The following RNF125 variants were observed in gnomAD, a reference collection of about 807,000 sequenced individuals.
The protein encoded by RNF125 is ring finger protein 125.
RNF125 carries 21 observed loss-of-function variants against 26.0 expected under a neutral mutation model. That is an observed-to-expected ratio of 0.81 (90% CI 0.57 to 1.16). The LOEUF is 1.16. Ranked by LOEUF, RNF125 falls within the 50% of genes most tolerant of loss-of-function variation. The pLI, the probability that RNF125 is intolerant of heterozygous loss-of-function variation, is 0.00. For missense variants in RNF125, 270 were observed against 299.4 expected (o/e 0.90, Z 0.72); for synonymous variants, 95 against 109.2 (o/e 0.87, Z 0.81).
chr18:32,034,041 C>G (rs947558336), intron 1 of RNF125, among the ~76,000 whole-genome samples: 6 of 151,880 alleles, frequency 4.0e-5, no homozygotes, highest in African/African-American at 1.5e-4. Context: ...TCAAACTGTA[C>G]AGTCACCACA....
chr18:32,084,124 C>G, the RNF125 span, among the ~76,000 whole-genome samples: 12,462 of 152,062 alleles, frequency 0.082, 868 homozygotes, highest in East Asian at 0.25. Flanking sequence ...GGGAGGCCGA[C>G]GCAGGTGGAT....
At chr18:32,041,535 C>T (rs1330217593) in intron 2 of RNF125, among the ~76,000 whole-genome samples, 2 of 148,540 alleles carry the variant, frequency 1.3e-5, no homozygotes, top group African/African-American at 5.0e-5. Context: ...TTGCTTCCTT[C>T]TTTCTAAAAC....
At chr18:32,056,969 C>T (rs1033173652) in intron 4 of RNF125, among the ~76,000 whole-genome samples, 3 of 152,154 alleles carry the variant, frequency 2.0e-5, no homozygotes, top group Non-Finnish European at 4.4e-5. Flanking sequence ...TTTACACAGT[C>T]GTAGAGAAAA....
chr18:32,038,940 AT>A (rs2039189003), intron 2 of RNF125, among the ~76,000 whole-genome samples: 3 of 151,162 alleles, frequency 2.0e-5, no homozygotes, highest in African/African-American at 7.3e-5. Flanking sequence ...TAACTTTTGT[AT>A]TTTCAGTAGA....
chr18:32,025,026 T>G (rs2144432449), intron 1 of RNF125, among the ~76,000 whole-genome samples: 1 of 152,114 alleles, frequency 6.6e-6, no homozygotes, highest in South Asian at 2.1e-4. Context: ...ATCGCACCAC[T>G]GCACTCCAGC....
chr18:32,079,468 T>C, the RNF125 span, among the ~76,000 whole-genome samples: 2 of 152,202 alleles, frequency 1.3e-5, no homozygotes, highest in Admixed American at 6.5e-5. Flanking sequence ...AGACTATTCA[T>C]GTTAGCTTTT....
chr18:32,082,809 T>C, the RNF125 span, among the ~76,000 whole-genome samples: 15 of 152,218 alleles, frequency 9.9e-5, no homozygotes, highest in Non-Finnish European at 2.2e-4. Flanking sequence ...TTGAAACCAA[T>C]GTCCCAGTTC....
chr18:32,032,608 C>G (rs777170257), intron 1 of RNF125, among the ~76,000 whole-genome samples: 1 of 152,048 alleles, frequency 6.6e-6, no homozygotes. Flanking sequence ...GTATTTCAAG[C>G]AGGACGTGGG....
intron 5 of RNF125, 40 bp from the exon 6 acceptor site, chr18:32,068,258 A>T: frequency 8.9e-7 from 1 of 1,122,404 alleles, no homozygotes; most frequent in South Asian, 1.3e-5. Context: ...CTGAAATACT[A>T]TTGACTCTGA....
chr18:32,062,064 G>C (rs909376014), intron 4 of RNF125, among the ~76,000 whole-genome samples: 2 of 152,180 alleles, frequency 1.3e-5, no homozygotes, highest in Non-Finnish European at 2.9e-5. Context: ...TTGAATGTTT[G>C]ATGTTTACCT....
At chr18:32,032,401 C>T (rs180913106) in intron 1 of RNF125, among the ~76,000 whole-genome samples, 4,156 of 149,572 alleles carry the variant, frequency 0.028, 59 homozygotes, top group African/African-American at 0.04. Flanking sequence ...TTAGTAGAGA[C>T]GGTTTCACTC....
chr18:32,064,222 C>T (rs1196957487), intron 4 of RNF125, among the ~76,000 whole-genome samples: 1 of 151,564 alleles, frequency 6.6e-6, no homozygotes, highest in Non-Finnish European at 1.5e-5. Flanking sequence ...TCATGAACTC[C>T]TACCTCAAGT....
At chr18:32,074,234 C>T (rs2039554603), downstream of RNF125, among the ~76,000 whole-genome samples, 7 of 152,168 alleles carry the variant, frequency 4.6e-5, no homozygotes. Flanking sequence ...TATCACCCCT[C>T]GCAACAGGCT....
chr18:32,059,177 G>GT (rs2039413182), intron 4 of RNF125, among the ~76,000 whole-genome samples: 2 of 152,136 alleles, frequency 1.3e-5, no homozygotes, highest in Non-Finnish European at 2.9e-5. Context: ...TTGATTTTCA[G>GT]TTTTTTGAGG....
chr18:32,062,127 GTTA>G (rs1236117533), intron 4 of RNF125, among the ~76,000 whole-genome samples: 7 of 152,212 alleles, frequency 4.6e-5, no homozygotes, highest in Non-Finnish European at 1.0e-4. Context: ...CAAGGCAGGT[GTTA>G]TTATCTCCAT....
chr18:32,044,478 C>A (rs138740588), intron 3 of RNF125, among the ~76,000 whole-genome samples: 1 of 152,200 alleles, frequency 6.6e-6, no homozygotes, highest in African/African-American at 2.4e-5. Context: ...ATTTTACATT[C>A]TTTTTTCTTT....
chr18:32,084,380 AAAC>A, the RNF125 span, among the ~76,000 whole-genome samples: 2 of 152,158 alleles, frequency 1.3e-5, no homozygotes, highest in Non-Finnish European at 2.9e-5. Context: ...ACAAACAAAA[AAAC>A]AAGAACAGTG....
Position 32,044,252 on chromosome 18 carries a change from G to A in RNF125, c.414-1390G>A, listed in dbSNP as rs528973129. Among the ~76,000 whole-genome samples the A allele has an allele frequency of 2.6e-5, 4 of 152,150 alleles. 1 individual carries two copies. The highest frequency in any genetic ancestry group is 3.9e-4 in the East Asian group (2 of 5,182). On this transcript the variant is annotated intron_variant, in intron 3 of 5. Coordinates refer to ENST00000217740, the MANE Select transcript of RNF125 (RefSeq NM_017831.4). The stretch of plus-strand genomic sequence containing the variant: ...GAACTCCTGACCTCGTGATCCACCC[G>A]TCTCGGCCTCCCAGAGTGCTGGGAT...
chr18:32,048,891 A>G (rs1311965897), intron 4 of RNF125, among the ~76,000 whole-genome samples: 1 of 152,180 alleles, frequency 6.6e-6, no homozygotes, highest in Non-Finnish European at 1.5e-5. Context: ...GGATGGAATG[A>G]TAGTGACTAC....
Sources: allele counts gnomAD v4.1 joint callset (sites outside exome capture counted in the v4.1 genomes callset), GRCh38; gene constraint gnomAD v4.1.1; transcripts MANE v1.5; gene names NCBI Gene and HGNC (gene_info 2026-07-23, HGNC 2026-07-21).